NBPF12: variants seen among roughly 807,000 people sequenced by gnomAD.
The protein encoded by NBPF12 is NBPF member 12.
In NBPF12, 115 loss-of-function variants were observed where a neutral mutation model predicts 146.4. That is an observed-to-expected ratio of 0.79 (90% confidence interval 0.68 to 0.92). The LOEUF is 0.92. Among genes scored for constraint, NBPF12 ranks in the 40% least tolerant of loss-of-function variants. NBPF12 has a pLI of 0.00. For missense variants in NBPF12, 1,205 were observed against 1,326.8 expected (o/e 0.91, Z 1.43); for synonymous variants, 385 against 508.9 (o/e 0.76, Z 3.28).
At chr1:146,971,139 C>T in intron 12 of NBPF12, 44 bp from the exon 16 acceptor site, 8 of 1,609,834 alleles carry the variant, frequency 5.0e-6, no homozygotes, top group Non-Finnish European at 5.9e-6. Context: ...TCCAATCCCT[C>T]TGTGTTTAAT....
upstream of NBPF12, among the ~76,000 whole-genome samples, chr1:146,946,523 T>TA: frequency 7.1e-6 from 1 of 140,496 alleles, no homozygotes; most frequent in Non-Finnish European, 1.5e-5. Context: ...TTTTTTTTTT[T>TA]TTTTTTTTTT....
intron 14 of NBPF12, 35 bp downstream of exon 17, chr1:146,972,995 G>A (rs1364306106): frequency 2.3e-6 from 2 of 886,934 alleles, no homozygotes; most frequent in Non-Finnish European, 3.9e-6. Context: ...TGAAAGTGAT[G>A]AACGAAGTCC....
rs1655897298 is a variant in NBPF12 at position 146,962,287 on chromosome 1, G to A, written c.278+24G>A. ...AGGTGAGGGGACCCCATGGGGGGAG[G>A]CAGGCGGGTAGGTGTGTAGATCTCT... On this transcript the variant is annotated intron_variant, in intron 5 of 33. Transcript: ENST00000617844. 5.1e-6 allele frequency: 8 copies of A among 1,583,654 alleles called. No homozygotes were observed. The East Asian group carries it at 1.3e-4, about 27-fold the overall frequency.
At position 146,994,570 on chromosome 1, in the gene NBPF12, C is replaced by T. The variant is rs782420122; in HGVS notation, c.4369C>T (p.Gln1457Ter). 22 of 1,609,080 alleles carry T rather than the reference C, an allele frequency of 1.4e-5. No homozygotes were observed. The highest frequency in any genetic ancestry group is 3.3e-5 in the South Asian group (3 of 90,860). ...CTTCCAGATGGGAGTCATATTCCCA[C>T]AATAAGCAGCCCTTACTAAGCCGAG... The change falls in exon 34 of 34, where the codon CAA (glutamine) becomes TAA (stop). Residue 1457 changes from glutamine (Q) to a stop codon, truncating the protein, a stop_gained. Transcript: ENST00000617844. LOFTEE classifies it high-confidence loss of function.
At chr1:146,947,761 C>CTATT (rs1655136030), upstream of NBPF12, among the ~76,000 whole-genome samples, 1 of 149,862 alleles carries the variant, frequency 6.7e-6, no homozygotes, top group Non-Finnish European at 1.5e-5. Flanking sequence ...ATGTAGTGGA[C>CTATT]TATTGTGTTC....
chr1:146,968,836 G>A (rs1426047692), intron 10 of NBPF12, among the ~76,000 whole-genome samples: 1 of 151,452 alleles, frequency 6.6e-6, no homozygotes, highest in Non-Finnish European at 1.5e-5. Context: ...CCACACAGCA[G>A]CATTCAGTAT....
intron 27 of NBPF12, 30 bp from the exon 31 acceptor site, chr1:146,989,544 G>C (rs1658016630): frequency 1.5e-6 from 2 of 1,354,322 alleles, no homozygotes; most frequent in Non-Finnish European, 2.1e-6. Flanking sequence ...ATTCCCCCTG[G>C]CTTATTCTTT....
At chr1:146,994,490 C>G in exon 34 of NBPF12, 1 of 1,609,032 alleles carries the variant, frequency 6.2e-7, no homozygotes, top group Admixed American at 1.7e-5. Context: ...ATCACCTTTG[C>G]CCTTGACATG....
At chr1:146,964,586 G>C (rs1446361445) in intron 7 of NBPF12, among the ~76,000 whole-genome samples, 157 bp downstream of exon 10, 16 of 151,908 alleles carry the variant, frequency 1.1e-4, no homozygotes, top group Non-Finnish European at 5.9e-5. Context: ...TGCGACAGCT[G>C]TCATGTTTCT....
chr1:146,961,096 A>G (rs1263819982), intron 4 of NBPF12, among the ~76,000 whole-genome samples: 1 of 152,136 alleles, frequency 6.6e-6, no homozygotes, highest in Non-Finnish European at 1.5e-5. Flanking sequence ...CAGTGAGCCA[A>G]GATTGCACTA....
At chr1:146,989,532 T>A in intron 27 of NBPF12, 42 bp from the exon 31 acceptor site, 1 of 1,308,882 alleles carries the variant, frequency 7.6e-7, no homozygotes, top group Non-Finnish European at 1.1e-6. Flanking sequence ...GTGTGATTTC[T>A]GATTCCCCCT....
chr1:146,958,300 C>T, intron 2 of NBPF12, among the ~76,000 whole-genome samples: 1 of 131,408 alleles, frequency 7.6e-6, no homozygotes, highest in Non-Finnish European at 1.7e-5. Flanking sequence ...AAATGAAAGA[C>T]TTTTAAGTAA....
At chr1:146,980,084 CTT>C (rs1393969398) in intron 19 of NBPF12, among the ~76,000 whole-genome samples, 1 of 150,494 alleles carries the variant, frequency 6.6e-6, no homozygotes, top group Admixed American at 6.6e-5. Flanking sequence ...TTCTTCGTCT[CTT>C]TTGATATTTG....
intron 1 of NBPF12, among the ~76,000 whole-genome samples, chr1:146,941,058 G>A (rs1302464161): frequency 1.3e-5 from 2 of 151,858 alleles, no homozygotes; most frequent in East Asian, 3.9e-4. Context: ...CTCTTTTAAT[G>A]ATGTTTTTTC....
intron 1 of NBPF12, among the ~76,000 whole-genome samples, chr1:146,940,282 A>C (rs1343081834): frequency 6.6e-6 from 1 of 151,992 alleles, no homozygotes. Flanking sequence ...AAAGTTACTG[A>C]AGTATACAGA....
At chr1:146,972,459 A>C (rs1335759670) in intron 13 of NBPF12, among the ~76,000 whole-genome samples, 3 of 151,490 alleles carry the variant, frequency 2.0e-5, no homozygotes, top group Admixed American at 2.0e-4. Context: ...TTTGTGCTAC[A>C]CAGAAACATT....
At chr1:146,957,503 C>G (rs1655647628) in intron 2 of NBPF12, 2 of 174,130 alleles carry the variant, frequency 1.1e-5, no homozygotes, top group Non-Finnish European at 2.5e-5. Context: ...CCATTCATGA[C>G]AAAGCTTGAC....
In NBPF12 at chr1:146,951,209, A is replaced by G. The variant is rs1419148979; in HGVS notation, c.-325-139A>G. ...TAATCATATAAAGAATCCTGTGACCAGTATGAGCTTCTCTCAGGCCACACA... is the reference window on the plus strand; with the variant it reads ...TAATCATATAAAGAATCCTGTGACCGGTATGAGCTTCTCTCAGGCCACACA... On this transcript the variant is annotated intron_variant, in intron 1 of 33. Coordinates refer to ENST00000617844, the Ensembl canonical transcript of NBPF12. 3 of 616,096 alleles carry G rather than the reference A, an allele frequency of 4.9e-6. No homozygotes were observed. In the East Asian group the frequency reaches 8.4e-5, roughly 17 times the overall value. 38.2% of individuals were successfully genotyped at this position (616,096 alleles called of 1,614,324 possible). A position where few individuals can be genotyped will look rare whatever the true frequency, so the allele number is the denominator to read the frequency against.
chr1:146,942,404 T>G (rs1263863379), intron 1 of NBPF12, among the ~76,000 whole-genome samples: 1 of 151,818 alleles, frequency 6.6e-6, no homozygotes, highest in African/African-American at 2.4e-5. Flanking sequence ...TTGTATGTGT[T>G]CAATCTCATT....
Sources: gnomAD v4.1 joint callset for allele counts (sites outside exome capture counted in the v4.1 genomes callset) on GRCh38, gnomAD v4.1.1 for gene constraint, MANE v1.5 for transcripts, NCBI Gene and HGNC (gene_info 2026-07-23, HGNC 2026-07-21) for gene names.